The following POLA1 variants were observed in gnomAD, a reference collection of about 807,000 sequenced individuals.
The protein encoded by POLA1 is DNA polymerase alpha 1, catalytic subunit, also known as DNA polymerase alpha catalytic subunit.
POLA1 carries 15 observed loss-of-function variants against 124.0 expected under a neutral mutation model. That is an observed-to-expected ratio of 0.12 (90% CI 0.08 to 0.19). The LOEUF is 0.19. Among genes scored for constraint, POLA1 ranks in the 10% least tolerant of loss-of-function variants. The pLI, the probability that POLA1 is intolerant of heterozygous loss-of-function variation, is 1.00. For synonymous variants in POLA1, 408 were observed against 389.4 expected, an observed-to-expected ratio of 1.05 and a Z score of -0.56; for missense variants, 886 against 1,103.4, an observed-to-expected ratio of 0.80 and a Z score of 2.79.
chrX:24,713,990 T>A (rs1280091156), intron 4 of POLA1, among the ~76,000 whole-genome samples: 6 of 112,440 alleles, frequency 5.3e-5, no homozygotes, highest in Non-Finnish European at 1.1e-4. Flanking sequence ...CTCACTTTTT[T>A]AAAAAGCTTT....
intron 26 of POLA1, among the ~76,000 whole-genome samples, chrX:24,783,957 T>C (rs1466146842): frequency 8.9e-6 from 1 of 111,792 alleles, no homozygotes; most frequent in African/African-American, 3.3e-5. Flanking sequence ...GGAAGTACTA[T>C]TGGAAAGCGT....
At chrX:24,846,659 C>T (rs1037051504) in intron 34 of POLA1, among the ~76,000 whole-genome samples, 4 of 111,971 alleles carry the variant, frequency 3.6e-5, no homozygotes, top group Non-Finnish European at 5.6e-5. Flanking sequence ...AATAGACATA[C>T]ACACACAAAA....
chrX:24,755,455 A>G (rs1932551438), intron 26 of POLA1, among the ~76,000 whole-genome samples: 1 of 111,728 alleles, frequency 9.0e-6, no homozygotes, highest in Non-Finnish European at 1.9e-5. Flanking sequence ...TAAAATTATT[A>G]GTTAAGTTGG....
intron 26 of POLA1, among the ~76,000 whole-genome samples, chrX:24,750,166 G>T (rs1388810208): frequency 8.9e-6 from 1 of 112,508 alleles, no homozygotes; most frequent in Non-Finnish European, 1.9e-5. Context: ...GCAGAGCTGA[G>T]TAGAAAAGAT....
intron 30 of POLA1, among the ~76,000 whole-genome samples, chrX:24,821,179 C>T (rs2046081850): frequency 8.9e-6 from 1 of 111,906 alleles, no homozygotes; most frequent in African/African-American, 3.3e-5. Context: ...ATAGTCTTAA[C>T]TTTTTATGTC....
chrX:24,871,311 T>A (rs2046860268), intron 34 of POLA1, among the ~76,000 whole-genome samples: 1 of 112,141 alleles, frequency 8.9e-6, no homozygotes, highest in Non-Finnish European at 1.9e-5. Flanking sequence ...ATTCTTGGTC[T>A]GGGGTAAAGA....
chrX:24,938,899 C>A (rs1398488364), intron 36 of POLA1, among the ~76,000 whole-genome samples: 1 of 112,625 alleles, frequency 8.9e-6, no homozygotes, highest in Non-Finnish European at 1.9e-5. Context: ...TTTCTGCCAT[C>A]TTCTTCAAGA....
At chrX:24,750,756 T>C (rs1018979645) in intron 26 of POLA1, among the ~76,000 whole-genome samples, 3 of 111,962 alleles carry the variant, frequency 2.7e-5, no homozygotes, top group African/African-American at 9.7e-5. Context: ...TGTAAATCCT[T>C]TTAGTACAGT....
In POLA1 at chrX:24,737,712, C is replaced by T. The variant is rs1325168887; in HGVS notation, c.2011C>T (p.Leu671=). Residue 671 remains leucine (L), a synonymous_variant, in exon 19 of 37, where the codon CTG becomes TTG. Transcript: ENST00000379068. The part of the protein sequence containing the change: ...KAPHWSKIGR[L]KRSNMPKLGG... ...TCCTCACTGGTCCAAGATAGGTCGACTGAAGCGATCCAACATGCCAAAGCT... is the reference window on the plus strand; with the variant it reads ...TCCTCACTGGTCCAAGATAGGTCGATTGAAGCGATCCAACATGCCAAAGCT... 8.8e-7 allele frequency: 1 copy of T among 1,134,861 alleles called. No individual in the cohort carries two copies. The allele number at this position is 1,134,861 out of a possible 1,213,427, so 93.5% of individuals were successfully genotyped here.
At chrX:24,696,095 G>A (rs1927978237) in intron 1 of POLA1, among the ~76,000 whole-genome samples, 1 of 112,840 alleles carries the variant, frequency 8.9e-6, no homozygotes, top group Non-Finnish European at 1.9e-5. Flanking sequence ...ATTGCTAAGT[G>A]CAAAGTAAGA....
At chrX:24,969,458 T>C (rs914145111) in intron 36 of POLA1, among the ~76,000 whole-genome samples, 11 of 110,371 alleles carry the variant, frequency 1.0e-4, no homozygotes, top group African/African-American at 3.3e-4. Context: ...TACCATGCAA[T>C]TGTATACCTG....
chrX:24,821,607 C>T (rs2046089641), intron 31 of POLA1, 24 bp downstream of exon 31: 6 of 1,128,599 alleles, frequency 5.3e-6, no homozygotes, highest in Admixed American at 4.6e-5. Context: ...ATTCGTAAGA[C>T]TCTGACACCT....
intron 36 of POLA1, among the ~76,000 whole-genome samples, chrX:24,991,306 C>G (rs760440823): frequency 9.0e-5 from 10 of 110,958 alleles, no homozygotes; most frequent in Non-Finnish European, 1.7e-4. Flanking sequence ...ATGACAAATG[C>G]AAACACCCAA....
chrX:24,729,462 G>A (rs1930755059), intron 15 of POLA1, among the ~76,000 whole-genome samples: 2 of 111,893 alleles, frequency 1.8e-5, no homozygotes, highest in Non-Finnish European at 3.8e-5. Flanking sequence ...ATTAGAAGTC[G>A]TAAAATGGTG....
chrX:24,785,597 C>A (rs2045346834), intron 26 of POLA1, among the ~76,000 whole-genome samples: 1 of 112,395 alleles, frequency 8.9e-6, no homozygotes, highest in Admixed American at 9.4e-5. Flanking sequence ...TATGTTTAAT[C>A]CCTTTTTCAC....
intron 36 of POLA1, among the ~76,000 whole-genome samples, chrX:24,994,643 C>T (rs184332086): frequency 6.4e-5 from 7 of 108,681 alleles, no homozygotes; most frequent in Non-Finnish European, 9.5e-5. Flanking sequence ...TCCTCAGGTG[C>T]GGGCTGGGGG....
At chrX:24,882,689 GT>G (rs2047018570) in intron 34 of POLA1, among the ~76,000 whole-genome samples, 1 of 41,268 alleles carries the variant, frequency 2.4e-5, no homozygotes, top group Admixed American at 2.1e-4. Flanking sequence ...TCCATGGTGT[GT>G]GTGTGTGTGT....
Position 24,743,271 on chromosome X carries a change from C to T in POLA1, c.2508C>T (p.Tyr836=). The change falls in exon 23 of 37, where the codon TAC becomes TAT. Residue 836 remains tyrosine (Y), a synonymous_variant. Transcript: ENST00000379068. The stretch of plus-strand genomic sequence containing the variant: ...AAATTGATGGAGATACCAATAAATA[C>T]AAGAAAGGACGTAAGAAAGCAGCTT... ...DEEIDGDTNK[Y]KKGRKKAAYA... is the part of the protein sequence containing the mutation. 8.5e-7 allele frequency: 1 copy of T among 1,171,231 alleles called. No individual in the cohort carries two copies. The highest frequency in any genetic ancestry group is 1.2e-6 in the Non-Finnish European group (1 of 863,138).
intron 35 of POLA1, among the ~76,000 whole-genome samples, chrX:24,894,342 T>C (rs2047178393): frequency 8.9e-6 from 1 of 112,558 alleles, no homozygotes; most frequent in South Asian, 3.7e-4. Context: ...CTAGCAATTT[T>C]TTTTGTACAT....
Sources: gnomAD v4.1 joint callset for allele counts (sites outside exome capture counted in the v4.1 genomes callset) on GRCh38, gnomAD v4.1.1 for gene constraint, MANE v1.5 for transcripts, NCBI Gene and HGNC (gene_info 2026-07-23, HGNC 2026-07-21) for gene names.